The following LYRM7 variants were observed in gnomAD, a reference collection of about 807,000 sequenced individuals.
The protein encoded by LYRM7 is LYR motif containing 7.
A neutral mutation model predicts 15.8 loss-of-function variants in LYRM7; 9 were observed. The observed-to-expected ratio is 0.57, with a 90% CI of 0.34 to 0.99. The LOEUF is 0.99. Among genes scored for constraint, LYRM7 ranks in the 50% least tolerant of loss-of-function variants. The pLI is 0.02. For synonymous variants in LYRM7, 39 were observed against 39.4 expected (o/e 0.99, Z 0.04); for missense variants, 115 against 119.1 (o/e 0.97, Z 0.16).
At chr5:131,187,493 T>TGGG (rs763200624) in intron 4 of LYRM7, among the ~76,000 whole-genome samples, 1 of 151,430 alleles carries the variant, frequency 6.6e-6, no homozygotes, top group African/African-American at 2.4e-5. Flanking sequence ...GTTTTTTTTT[T>TGGG]GGGTTTTTTG....
At chr5:131,172,180 G>A (rs1164882398) in intron 1 of LYRM7, among the ~76,000 whole-genome samples, 1 of 152,210 alleles carries the variant, frequency 6.6e-6, no homozygotes, top group Admixed American at 6.5e-5. Flanking sequence ...TTGGGAGACC[G>A]AGGCGAGAGG....
At chr5:131,185,470 T>A (rs573334912) in intron 3 of LYRM7, among the ~76,000 whole-genome samples, 2 of 152,244 alleles carry the variant, frequency 1.3e-5, no homozygotes, top group Non-Finnish European at 2.9e-5. Context: ...TTAATTGATA[T>A]TTCCCTGTGA....
rs1554090136 is a variant in LYRM7 at position 131,184,640 on chromosome 5, C to CGGCGGG, written c.162+2343_162+2344insCGGGGG. Among the ~76,000 whole-genome samples the CGGCGGG allele has an allele frequency of 5.9e-4, 75 of 127,472 alleles. 1 individual carries two copies. The highest frequency in any genetic ancestry group is 2.4e-3 in the African/African-American group (65 of 27,006). 83.6% of individuals were successfully genotyped at this position (127,472 alleles called of 152,430 possible). A position where few individuals can be genotyped will look rare whatever the true frequency, so the allele number is the denominator to read the frequency against. The stretch of plus-strand genomic sequence containing the variant: ...GTCAGACAAATGGAATTTTTTTTGG[C>CGGCGGG]GGGGGGGGGGTTCCAGGATTCATGC... On this transcript the variant is annotated intron_variant, in intron 3 of 4. Coordinates refer to ENST00000379380, the MANE Select transcript of LYRM7 (RefSeq NM_181705.4).
intron 1 of LYRM7, among the ~76,000 whole-genome samples, chr5:131,173,274 A>G (rs562262987): frequency 2.0e-5 from 3 of 152,338 alleles, no homozygotes; most frequent in Admixed American, 6.5e-5. Flanking sequence ...AGCCACTTCC[A>G]CATTTTTAGA....
intron 1 of LYRM7, 129 bp downstream of exon 1, chr5:131,171,167 C>T: frequency 1.0e-6 from 1 of 962,690 alleles, no homozygotes; most frequent in Non-Finnish European, 1.4e-6. Context: ...GCTGTTACCC[C>T]AGAGAAGCCA....
At chr5:131,185,426 C>T (rs1755782740) in intron 3 of LYRM7, among the ~76,000 whole-genome samples, 1 of 152,124 alleles carries the variant, frequency 6.6e-6, no homozygotes, top group Non-Finnish European at 1.5e-5. Flanking sequence ...CTCTTCCATG[C>T]CCTCAAAGCT....
rs1756086993 is a variant in LYRM7 at position 131,202,403 on chromosome 5, A to C, written c.*2802A>C. The stretch of plus-strand genomic sequence containing the variant: ...CAGCTAGTCAGGAGGCTGAGGCAGG[A>C]GAATTACTTGAGCCAGGGAAGCAGA... On this transcript the variant is annotated 3_prime_UTR_variant, in exon 5 of 5. Coordinates refer to ENST00000379380, the MANE Select transcript of LYRM7 (RefSeq NM_181705.4). 1 of 152,244 alleles carries C rather than the reference A, an allele frequency of 6.6e-6. No individual in the cohort carries two copies. The highest frequency in any genetic ancestry group is 2.1e-4 in the South Asian group (1 of 4,832). 9.4% of individuals were successfully genotyped at this position (152,244 alleles called of 1,614,324 possible).
chr5:131,174,550 G>A (rs1755568136), intron 1 of LYRM7, among the ~76,000 whole-genome samples: 1 of 152,180 alleles, frequency 6.6e-6, no homozygotes, highest in Non-Finnish European at 1.5e-5. Context: ...ATAGCCTTAT[G>A]AGTCTTTTAA....
At chr5:131,178,644 ACATTT>A (rs1267606797) in intron 1 of LYRM7, among the ~76,000 whole-genome samples, 1 of 152,114 alleles carries the variant, frequency 6.6e-6, no homozygotes. Context: ...ATAAGTCTCA[ACATTT>A]CACTTATCTT....
chr5:131,179,455 CTTTTTTTTTTTTTTTTTCT>C (rs1340001532), intron 1 of LYRM7, among the ~76,000 whole-genome samples: 15 of 95,356 alleles, frequency 1.6e-4, no homozygotes, highest in African/African-American at 2.5e-4. Context: ...TTTTTCTTTT[CTTTTTTTTTTTTTTTTTCT>C]TTTTTTTTTT....
intron 1 of LYRM7, among the ~76,000 whole-genome samples, chr5:131,174,249 T>G (rs184031682): frequency 3.3e-3 from 506 of 152,350 alleles, no homozygotes; most frequent in African/African-American, 0.01. Context: ...CTCATGCATT[T>G]AAGTTTTATC....
At chr5:131,189,101 A>G (rs984210753) in intron 4 of LYRM7, among the ~76,000 whole-genome samples, 2 of 151,952 alleles carry the variant, frequency 1.3e-5, no homozygotes. Context: ...AGCCAAGATC[A>G]TGCCACCACA....
intron 1 of LYRM7, 112 bp downstream of exon 1, chr5:131,171,150 G>C: frequency 8.9e-7 from 1 of 1,126,816 alleles, no homozygotes; most frequent in Non-Finnish European, 1.2e-6. Context: ...CCTTTATGGA[G>C]GATGTGGCTG....
intron 1 of LYRM7, 37 bp downstream of exon 1, chr5:131,171,075 CG>C: frequency 6.7e-7 from 1 of 1,503,528 alleles, no homozygotes; most frequent in Non-Finnish European, 8.8e-7. Flanking sequence ...ACGATGCCGT[CG>C]GGGAGGGTAT....
chr5:131,176,136 A>G (rs185290856), intron 1 of LYRM7, among the ~76,000 whole-genome samples: 7 of 152,360 alleles, frequency 4.6e-5, no homozygotes, highest in African/African-American at 1.7e-4. Flanking sequence ...TCATGAGTTC[A>G]TGGACATTTA....
At chr5:131,175,066 C>T (rs1195506294) in intron 1 of LYRM7, among the ~76,000 whole-genome samples, 1 of 152,048 alleles carries the variant, frequency 6.6e-6, no homozygotes, top group African/African-American at 2.4e-5. Context: ...ATCCGCGAAC[C>T]ATGCTTTAAA....
At chr5:131,197,516 A>T in intron 4 of LYRM7, among the ~76,000 whole-genome samples, 1 of 142,544 alleles carries the variant, frequency 7.0e-6, no homozygotes, top group East Asian at 2.1e-4. Context: ...TTTTGGGTTG[A>T]ATTTGTTTTA....
chr5:131,185,908 C>G (rs757505582), intron 3 of LYRM7, among the ~76,000 whole-genome samples: 8 of 152,224 alleles, frequency 5.3e-5, no homozygotes, highest in Non-Finnish European at 7.3e-5. Flanking sequence ...TTGTCATTGT[C>G]AGCAAATACT....
At chr5:131,196,372 CAAAAA>C (rs970771754) in intron 4 of LYRM7, among the ~76,000 whole-genome samples, 1 of 150,054 alleles carries the variant, frequency 6.7e-6, no homozygotes, top group East Asian at 1.9e-4. Flanking sequence ...ATGTACCAAG[CAAAAA>C]AAAAGTTATT....
Sources: gnomAD v4.1 joint callset for allele counts (sites outside exome capture counted in the v4.1 genomes callset) on GRCh38, gnomAD v4.1.1 for gene constraint, MANE v1.5 for transcripts, NCBI Gene and HGNC (gene_info 2026-07-23, HGNC 2026-07-21) for gene names.